The following NDC80 variants were observed in gnomAD, a reference collection of about 807,000 sequenced individuals.
NDC80 encodes kinetochore protein NDC80 homolog.
In NDC80, 69 loss-of-function variants were observed where a neutral mutation model predicts 89.3. The ratio of observed to expected loss-of-function variants is 0.77; its 90% CI spans 0.64 to 0.94. NDC80 has a LOEUF of 0.94. NDC80 is among the 40% of genes least tolerant of loss of function. The probability of loss-of-function intolerance (pLI) is 0.00; values close to 1 mark genes in which losing one functional copy is unlikely to be tolerated. For synonymous variants in NDC80, 243 were observed against 255.6 expected (o/e 0.95, Z 0.47); for missense variants, 593 against 739.6 (o/e 0.80, Z 2.30).
At chr18:2,599,927 A>G (rs746829300) in intron 12 of NDC80, among the ~76,000 whole-genome samples, 1 of 152,324 alleles carries the variant, frequency 6.6e-6, no homozygotes, top group East Asian at 1.9e-4. Flanking sequence ...CATATTAGAG[A>G]TAAAATATCA....
chr18:2,585,084 C>T, intron 6 of NDC80, 29 bp from the exon 7 acceptor site: 3 of 1,554,288 alleles, frequency 1.9e-6, no homozygotes, highest in Non-Finnish European at 2.6e-6. Context: ...TTCAGATCAA[C>T]TTGCTTTTCT....
intron 6 of NDC80, among the ~76,000 whole-genome samples, chr18:2,579,716 C>G (rs529196713): frequency 6.6e-6 from 1 of 152,308 alleles, no homozygotes; most frequent in East Asian, 1.9e-4. Flanking sequence ...CCTAAGCCAC[C>G]ATGACCGGCC....
chr18:2,581,543 C>A (rs1021586591), intron 6 of NDC80, among the ~76,000 whole-genome samples: 46 of 152,224 alleles, frequency 3.0e-4, no homozygotes, highest in African/African-American at 1.1e-3. Flanking sequence ...CATGCCGTCC[C>A]GGCTACTTGG....
chr18:2,577,127 C>T (rs2072550538), intron 3 of NDC80: 1 of 151,850 alleles, frequency 6.6e-6, no homozygotes, highest in Admixed American at 6.6e-5. Context: ...TCCTATAGGC[C>T]AGACATTGTT....
chr18:2,595,317 G>T, intron 10 of NDC80, 99 bp from the exon 11 acceptor site: 1 of 550,842 alleles, frequency 1.8e-6, no homozygotes, highest in Non-Finnish European at 3.1e-6. Context: ...ACATATATAT[G>T]ACTTGGAAAT....
intron 6 of NDC80, among the ~76,000 whole-genome samples, chr18:2,579,787 A>AG (rs2072566879): frequency 6.6e-6 from 1 of 152,148 alleles, no homozygotes; most frequent in African/African-American, 2.4e-5. Flanking sequence ...ATGTTTTTTA[A>AG]ACTTTTGATA....
chr18:2,595,395 T>C (rs1177413519), intron 10 of NDC80, 21 bp from the exon 11 acceptor site: 1 of 1,591,512 alleles, frequency 6.3e-7, no homozygotes, highest in South Asian at 1.1e-5. Flanking sequence ...ACATTAAAAA[T>C]TTGGTTTTTT....
chr18:2,593,910 T>G (rs1356028781), intron 10 of NDC80: 3 of 145,180 alleles, frequency 2.1e-5, no homozygotes, highest in Non-Finnish European at 3.6e-5. Flanking sequence ...TTTACTTTAT[T>G]TTATTTTATT....
At chr18:2,596,597 C>T (rs1475055047) in intron 11 of NDC80, among the ~76,000 whole-genome samples, 2 of 149,032 alleles carry the variant, frequency 1.3e-5, no homozygotes, top group African/African-American at 4.9e-5. Flanking sequence ...ACTAGTTCAA[C>T]CATTGTGGAA....
At position 2,589,323 on chromosome 18, in the gene NDC80, GTTTACACAC is replaced by G. The variant is rs780058747; in HGVS notation, c.870+16_870+24del. 9 of 1,564,184 alleles carry G rather than the reference GTTTACACAC, an allele frequency of 5.8e-6. No homozygotes were observed. The African/African-American group carries it at 1.2e-4, about 21-fold the overall frequency. On this transcript the variant is annotated intron_variant, in intron 9 of 16. Coordinates refer to ENST00000261597, the MANE Select transcript of NDC80 (RefSeq NM_006101.3). ...AGAAAAAGAACCGGTTAGTAAACATGTTTACACACTTACTTGAGAGCTCTTTTAGACTTT... is the reference window on the plus strand; with the variant it reads ...AGAAAAAGAACCGGTTAGTAAACATGTTACTTGAGAGCTCTTTTAGACTTT...
At position 2,571,874 on chromosome 18, in the gene NDC80, A is replaced by G. The variant is rs548406048; in HGVS notation, c.-10+191A>G. Among the ~76,000 whole-genome samples the G allele has an allele frequency of 8.7e-3, 1,320 of 152,248 alleles. 16 individuals carry two copies. Among genetic ancestry groups the G allele is most frequent in the Non-Finnish European group, 0.015 (1,018 of 68,006 alleles). Reference sequence around the variant, plus strand: ...GGGATCTATTAAATTTCTAGTGGCAACGATTTCCCAAGGAGGAAAGGGGAG... The same window carrying G: ...GGGATCTATTAAATTTCTAGTGGCAGCGATTTCCCAAGGAGGAAAGGGGAG... On this transcript the variant is annotated intron_variant, in intron 1 of 16. Coordinates refer to ENST00000261597, the MANE Select transcript of NDC80 (RefSeq NM_006101.3).
intron 8 of NDC80, among the ~76,000 whole-genome samples, chr18:2,588,966 C>T (rs2072614353): frequency 6.6e-6 from 1 of 151,906 alleles, no homozygotes; most frequent in African/African-American, 2.4e-5. Context: ...ATGAAATGAG[C>T]AACTTTAAGT....
rs76974513 is a variant in NDC80, at chr18:2,581,906, C to A, written c.579+2877C>A. ...AATCTTGTGATTTTGTTATTATTGACATAACATTGAATTCATGATATATAA... is the reference window on the plus strand; with the variant it reads ...AATCTTGTGATTTTGTTATTATTGAAATAACATTGAATTCATGATATATAA... On this transcript the variant is annotated intron_variant, in intron 6 of 16. Transcript: ENST00000261597. 6.8e-3 allele frequency among the ~76,000 whole-genome samples: 1,042 copies of A among 152,174 alleles called. 17 individuals are homozygous for A. The highest frequency in any genetic ancestry group is 0.024 in the African/African-American group (987 of 41,516).
At chr18:2,603,356 CAT>C (rs60997707) in intron 13 of NDC80, among the ~76,000 whole-genome samples, 27,409 of 120,630 alleles carry the variant, frequency 0.23, 3,559 homozygotes, top group South Asian at 0.32. Flanking sequence ...TATGTTTATA[CAT>C]ATATATATAT....
intron 16 of NDC80, among the ~76,000 whole-genome samples, chr18:2,613,933 A>G (rs1357199451): frequency 6.6e-6 from 1 of 152,220 alleles, no homozygotes; most frequent in Non-Finnish European, 1.5e-5. Context: ...TACATCTGAT[A>G]TGTATCAATA....
At chr18:2,587,973 T>G in intron 8 of NDC80, 50 bp downstream of exon 8, 1 of 1,408,524 alleles carries the variant, frequency 7.1e-7, no homozygotes, top group Non-Finnish European at 1.0e-6. Context: ...TTCACTCTGC[T>G]CATGGAGTGG....
At position 2,589,319 on chromosome 18, in the gene NDC80, A is replaced by G; in HGVS notation, c.870+9A>G. On this transcript the variant is annotated intron_variant, in intron 9 of 16. Transcript: ENST00000261597. ...AAAGAGAAAAAGAACCGGTTAGTAA[A>G]CATGTTTACACACTTACTTGAGAGC... The G allele has an allele frequency of 6.4e-7, 1 of 1,562,704 alleles. No individual in the cohort carries two copies.
intron 16 of NDC80, chr18:2,614,583 AAG>A (rs1568016227): frequency 6.3e-5 from 1 of 15,796 alleles, no homozygotes; most frequent in African/African-American, 4.9e-4. Flanking sequence ...GAAAGAAAGA[AAG>A]AAAGAAAGAA....
chr18:2,607,917 T>TAG (rs1268473963), intron 14 of NDC80, among the ~76,000 whole-genome samples: 2 of 144,732 alleles, frequency 1.4e-5, no homozygotes, highest in Admixed American at 7.0e-5. Flanking sequence ...CATACAAATG[T>TAG]AGAGAGAGCA....
Sources: allele counts gnomAD v4.1 joint callset (sites outside exome capture counted in the v4.1 genomes callset), GRCh38; gene constraint gnomAD v4.1.1; transcripts MANE v1.5; gene names NCBI Gene and HGNC (gene_info 2026-07-23, HGNC 2026-07-21).